Variants in STING1 observed in about 807,000 individuals in gnomAD.
The protein encoded by STING1 is stimulator of interferon response cGAMP interactor 1.
A neutral mutation model predicts 31.6 loss-of-function variants in STING1; 19 were observed. That is an observed-to-expected ratio of 0.60 (90% CI 0.42 to 0.88). The LOEUF (loss-of-function observed/expected upper bound fraction) is 0.88. STING1 is among the 40% of genes least tolerant of loss of function. The pLI is 0.00. For missense variants in STING1, 371 were observed against 483.7 expected, an observed-to-expected ratio of 0.77 and a Z score of 2.19; for synonymous variants, 200 against 208.6, an observed-to-expected ratio of 0.96 and a Z score of 0.35.
At chr5:139,477,275 CCT>C in intron 7 of STING1, 52 bp downstream of exon 7, 1 of 1,581,062 alleles carries the variant, frequency 6.3e-7, no homozygotes, top group Non-Finnish European at 8.6e-7. Context: ...CCCTGGGACC[CCT>C]GACTCCTCCT....
intron 5 of STING1, 43 bp from the exon 6 acceptor site, chr5:139,478,551 C>G (rs1751733948): frequency 1.3e-6 from 2 of 1,563,452 alleles, no homozygotes; most frequent in South Asian, 1.1e-5. Flanking sequence ...CTAACCCTAT[C>G]TCCCACCTGA....
chr5:139,480,858 C>T lies in STING1; in HGVS notation c.452G>A (p.Gly151Glu), dbSNP rs184755982. The T allele has an allele frequency of 6.2e-7, 1 of 1,614,038 alleles. No individual in the cohort carries two copies. Among genetic ancestry groups the T allele is most frequent in the Admixed American group, 1.7e-5 (1 of 60,000 alleles). The change falls in exon 5 of 8, where the codon GGG (glycine) becomes GAG (glutamate). Residue 151 changes from glycine (G) to glutamate (E), a missense_variant. Coordinates refer to ENST00000330794, the MANE Select transcript of STING1 (RefSeq NM_198282.4). ...PAEISAVCEKGNFNVAHGLAW... is the reference protein window; with the variant it reads ...PAEISAVCEKENFNVAHGLAW... The stretch of plus-strand genomic sequence containing the variant: ...CAGCCCATGGGCCACGTTGAAATTC[C>T]CTTTTTCACACACTGCAGAGATCTC...
At chr5:139,480,289 G>A (rs1000233347) in intron 5 of STING1, among the ~76,000 whole-genome samples, 58 of 152,316 alleles carry the variant, frequency 3.8e-4, no homozygotes, top group African/African-American at 1.3e-3. Flanking sequence ...GCTCACGCCT[G>A]TAATCCCAGC....
In STING1 at chr5:139,477,595, C is replaced by T. The variant is rs1751701966; in HGVS notation, c.760-80G>A. The T allele has an allele frequency of 2.8e-6, 4 of 1,433,200 alleles. No individual in the cohort carries two copies. The Admixed American group carries it at 5.8e-5, about 21-fold the overall frequency. 88.8% of individuals were successfully genotyped at this position (1,433,200 alleles called of 1,614,324 possible). On this transcript the variant is annotated intron_variant, in intron 6 of 7. Transcript: ENST00000330794. ...TGGAGGGTCCAGTCCAGGCTCTGGCCCCCAGTGCCACGGGCTGAGGCCCCA... is the reference window on the plus strand; with the variant it reads ...TGGAGGGTCCAGTCCAGGCTCTGGCTCCCAGTGCCACGGGCTGAGGCCCCA...
chr5:139,476,978 A>G (rs1450349881), intron 7 of STING1, among the ~76,000 whole-genome samples: 1 of 151,672 alleles, frequency 6.6e-6, no homozygotes, highest in African/African-American at 2.4e-5. Flanking sequence ...ATGCTCAGAG[A>G]GGAGCAGAAA....
intron 7 of STING1, among the ~76,000 whole-genome samples, chr5:139,476,904 CAAAA>C (rs33961341): frequency 1.7e-5 from 2 of 118,422 alleles, no homozygotes. Flanking sequence ...GACTCCATCT[CAAAA>C]AAAAAAAAAA....
In STING1 at chr5:139,481,412, C is replaced by T. The variant is rs1751843553; in HGVS notation, c.227+66G>A. 1.9e-6 allele frequency: 3 copies of T among 1,588,030 alleles called. No homozygotes were observed. Among genetic ancestry groups the T allele is most frequent in the East Asian group, 2.2e-5 (1 of 44,574 alleles). ...TCAGCCAGAGAGGTTCAAGGAGGGG[C>T]AGGGCTAGGCATCAAGGGAGTGACA... On this transcript the variant is annotated intron_variant, in intron 3 of 7. Transcript: ENST00000330794. The surrounding 1 kb of genome is among the most constrained non-coding windows in gnomAD (Gnocchi z 4.1).
At position 139,475,620 on chromosome 5, in the gene STING1, TG is replaced by T. The variant is rs1452691520; in HGVS notation, c.*640del. On this transcript the variant is annotated 3_prime_UTR_variant, in exon 8 of 8. Coordinates refer to ENST00000330794, the MANE Select transcript of STING1 (RefSeq NM_198282.4). ...AGTGAGAGGGAGTACTCTAGTGGGG[TG>T]GGGGTGCCGATACACAGCTAGGCTT... 1 of 151,782 alleles carries T rather than the reference TG, an allele frequency of 6.6e-6. No homozygotes were observed. Among genetic ancestry groups the T allele is most frequent in the Admixed American group, 6.6e-5 (1 of 15,230 alleles). The allele number at this position is 151,782 out of a possible 1,614,324, so 9.4% of individuals were successfully genotyped here. A position where few individuals can be genotyped will look rare whatever the true frequency, so the allele number is the denominator to read the frequency against.
Position 139,476,314 on chromosome 5 carries a change from G to A in STING1, c.1087C>T (p.Leu363Phe), listed in dbSNP as rs1581447770. Residue 363 changes from leucine (L) to phenylalanine (F), a missense_variant, in exon 8 of 8, where the codon CTC (leucine) becomes TTC (phenylalanine). Physicochemically the swap from Leu to Phe is conservative, Grantham distance 22 (BLOSUM62 0). Transcript: ENST00000330794. ...GGCTTTTCCATTCCACTGATGAGGA[G>A]CTCAGGCTCTTGGGACATCGTGGAG... ...STSTMSQEPELLISGMEKPLP... is the reference protein window; with the variant it reads ...STSTMSQEPEFLISGMEKPLP... The A allele has an allele frequency of 2.5e-6, 4 of 1,610,858 alleles. No individual in the cohort carries two copies. The East Asian group carries it at 6.7e-5, about 27-fold the overall frequency.
rs142609349 is a variant in STING1, at chr5:139,481,194, G to T, written c.376C>A (p.Leu126Ile). 1,429 of 1,614,230 alleles carry T rather than the reference G, an allele frequency of 8.9e-4. 16 individuals carry two copies. The African/African-American group carries it at 0.012, about 14-fold the overall frequency. ...PFTWMLALLG[L>I]SQALNILLGL... ...AGGAGGATGTTCAGTGCCTGCGAGA[G>T]GCCCAGGAGGGCAAGCATCCAAGTG... The change falls in exon 4 of 8, where the codon CTC becomes ATC. Residue 126 changes from leucine (L) to isoleucine (I), a missense_variant. Leu to Ile is a conservative substitution (Grantham distance 5, BLOSUM62 2). Transcript: ENST00000330794. This position sits in a 1 kb window ranked among gnomAD's most constrained non-coding sequence, Gnocchi z 4.1.
Position 139,481,797 on chromosome 5 carries a change from C to CA in STING1, c.1-94_1-93insT. The CA allele has an allele frequency of 9.1e-7, 1 of 1,093,874 alleles. No homozygotes were observed. Among genetic ancestry groups the CA allele is most frequent in the East Asian group, 2.6e-5 (1 of 38,270 alleles). 67.8% of individuals were successfully genotyped at this position (1,093,874 alleles called of 1,614,324 possible). On this transcript the variant is annotated intron_variant, in intron 2 of 7. Transcript: ENST00000330794. The surrounding 1 kb of genome is among the most constrained non-coding windows in gnomAD (Gnocchi z 4.1). ...GGCTGGGCACTTCCTCCCAGTTCCC[C>CA]TTTCCCTGGTGCCCAGCCACTCCCA...
chr5:139,481,362 C>A lies in STING1; in HGVS notation c.228-20G>T. The A allele has an allele frequency of 1.3e-6, 2 of 1,580,550 alleles. No homozygotes were observed. The highest frequency in any genetic ancestry group is 1.7e-6 in the Non-Finnish European group (2 of 1,161,634). ...CGGTACCTGTGAGTGACAGCCAGAC[C>A]CCAGACCCCAGCCCCCAGCCCAGCT... On this transcript the variant is annotated intron_variant, in intron 3 of 7. Transcript: ENST00000330794. This position sits in a 1 kb window ranked among gnomAD's most constrained non-coding sequence, Gnocchi z 4.1.
intron 6 of STING1, 100 bp from the exon 7 acceptor site, chr5:139,477,615 GC>G: frequency 1.6e-6 from 2 of 1,214,248 alleles, no homozygotes; most frequent in Non-Finnish European, 2.3e-6. Context: ...ACGGGCTGAG[GC>G]CCCACTCCCT....
intron 6 of STING1, among the ~76,000 whole-genome samples, 169 bp from the exon 7 acceptor site, chr5:139,477,684 G>T (rs550724725): frequency 9.2e-5 from 14 of 152,248 alleles, no homozygotes; most frequent in Non-Finnish European, 2.1e-4. Context: ...TATGCTGTCT[G>T]GCCTGCCTTT....
chr5:139,476,854 G>T (rs949771279), intron 7 of STING1, among the ~76,000 whole-genome samples: 1 of 139,144 alleles, frequency 7.2e-6, no homozygotes, highest in Non-Finnish European at 1.5e-5. Flanking sequence ...GCAGTGACCC[G>T]AAATCGAGCC....
In STING1 at chr5:139,481,889, A is replaced by G. The variant is rs1751864000; in HGVS notation, c.1-185T>C. On this transcript the variant is annotated intron_variant, in intron 2 of 7. Coordinates refer to ENST00000330794, the MANE Select transcript of STING1 (RefSeq NM_198282.4). The surrounding 1 kb of genome is among the most constrained non-coding windows in gnomAD (Gnocchi z 4.1). ...TAAGTCACCCCAAAGCTCCTGTCTCAGCGAGGTTTGCTGAAAACAGAGCAG... is the reference window on the plus strand; with the variant it reads ...TAAGTCACCCCAAAGCTCCTGTCTCGGCGAGGTTTGCTGAAAACAGAGCAG... 1.7e-6 allele frequency: 1 copy of G among 589,832 alleles called. No homozygotes were observed. Among genetic ancestry groups the G allele is most frequent in the Non-Finnish European group, 3.0e-6 (1 of 332,734 alleles). The allele number at this position is 589,832 out of a possible 1,614,324, so 36.5% of individuals were successfully genotyped here.
Position 139,476,073 on chromosome 5 carries a change from G to A in STING1, c.*188C>T, listed in dbSNP as rs181409299. The A allele has an allele frequency of 9.0e-6, 5 of 558,618 alleles. No homozygotes were observed. Among genetic ancestry groups the A allele is most frequent in the Admixed American group, 3.0e-5 (1 of 33,266 alleles). The allele number at this position is 558,618 out of a possible 1,614,324, so 34.6% of individuals were successfully genotyped here. A position where few individuals can be genotyped will look rare whatever the true frequency, so the allele number is the denominator to read the frequency against. ...TCCCATTTCACAGGTTGAAGACACC[G>A]AGGCTCAGAGAGGGGAAATGACTGG... On this transcript the variant is annotated 3_prime_UTR_variant, in exon 8 of 8. Transcript: ENST00000330794.
At chr5:139,480,350 G>A (rs571781839) in intron 5 of STING1, among the ~76,000 whole-genome samples, 2 of 151,896 alleles carry the variant, frequency 1.3e-5, no homozygotes, top group East Asian at 1.9e-4. Context: ...AGTTTGTACC[G>A]GCCTGGCCAA....
Position 139,476,417 on chromosome 5 carries a change from C to T in STING1, c.984G>A (p.Glu328=), listed in dbSNP as rs1751662424. ...CCTCCTGCCGCAGGTGCCGGAGAACCTCCTGGGACAGCGAGAAGCTGCTGT... is the reference window on the plus strand; with the variant it reads ...CCTCCTGCCGCAGGTGCCGGAGAACTTCCTGGGACAGCGAGAAGCTGCTGT... ...ADDSSFSLSQ[E]VLRHLRQEEK... The change falls in exon 8 of 8, where the codon GAG becomes GAA. Residue 328 remains glutamate, a synonymous_variant. Transcript: ENST00000330794. 1.2e-6 allele frequency: 2 copies of T among 1,612,340 alleles called. No homozygotes were observed. The highest frequency in any genetic ancestry group is 1.7e-6 in the Non-Finnish European group (2 of 1,180,010).
Sources: allele counts gnomAD v4.1 joint callset (sites outside exome capture counted in the v4.1 genomes callset), GRCh38; gene constraint gnomAD v4.1.1; non-coding constraint Gnocchi (gnomAD v3.1); transcripts MANE v1.5; gene names NCBI Gene and HGNC (gene_info 2026-07-23, HGNC 2026-07-21).